The following SGPP1 variants were observed in gnomAD, a reference collection of about 807,000 sequenced individuals.
SGPP1 encodes the protein hSPP1.
SGPP1 carries 21 observed loss-of-function variants against 33.0 expected under a neutral mutation model. That is an observed-to-expected ratio of 0.64 (90% CI 0.45 to 0.92). The LOEUF is 0.92. Ranked by LOEUF, SGPP1 falls within the 40% of genes least tolerant of loss-of-function variation. The pLI is 0.00. For missense variants in SGPP1, 543 were observed against 589.4 expected (o/e 0.92, Z 0.81); for synonymous variants, 239 against 241.2 (o/e 0.99, Z 0.08).
intron 1 of SGPP1, among the ~76,000 whole-genome samples, chr14:63,722,257 G>A (rs1001153293): frequency 6.6e-6 from 1 of 151,790 alleles, no homozygotes; most frequent in African/African-American, 2.4e-5. Context: ...GGGCGCAGTG[G>A]CTCATGCCTG....
chr14:63,727,325 G>T lies in SGPP1; in HGVS notation c.620C>A (p.Thr207Asn), dbSNP rs1885904748. The T allele has an allele frequency of 6.2e-7, 1 of 1,614,006 alleles. No homozygotes were observed. Among genetic ancestry groups the T allele is most frequent in the South Asian group, 1.1e-5 (1 of 91,080 alleles). ...GATGGCGGTGCCGGACATGGCATGG[G>T]TGGAGGGCATGCTGTACTCAGAGTT... Reference protein sequence around the residue: ...FYNSEYSMPSTHAMSGTAIPI... With the variant: ...FYNSEYSMPSNHAMSGTAIPI... The change falls in exon 1 of 3, where the codon ACC becomes AAC. Residue 207 changes from threonine (T) to asparagine (N), a missense_variant. Thr to Asn is a moderately conservative substitution (Grantham distance 65, BLOSUM62 0). Transcript: ENST00000247225.
chr14:63,688,822 C>T (rs959903778), intron 2 of SGPP1, among the ~76,000 whole-genome samples: 2 of 151,670 alleles, frequency 1.3e-5, no homozygotes, highest in African/African-American at 4.8e-5. Flanking sequence ...CCCAGGTTCA[C>T]GCCATTCTCC....
rs1274298165 is a variant in SGPP1, at chr14:63,727,794, C to T, written c.151G>A (p.Gly51Arg). Residue 51 changes from glycine (G) to arginine (R), a missense_variant, in exon 1 of 3, where the codon GGA becomes AGA. Gly to Arg is a moderately radical substitution (Grantham distance 125, BLOSUM62 -2). Transcript: ENST00000247225. Reference sequence around the variant, plus strand: ...TGCCGCCCTCGCAGTCGAGGGTCTCCGGCGAGAGGCGCCTCCGCTTTCTCA... The same window carrying T: ...TGCCGCCCTCGCAGTCGAGGGTCTCTGGCGAGAGGCGCCTCCGCTTTCTCA... ...EDEKAEAPLA[G>R]DPRLRGRQPG... 7.3e-6 allele frequency: 11 copies of T among 1,505,276 alleles called. 1 individual carries two copies. In the South Asian group the frequency reaches 1.1e-4, roughly 15 times the overall value. The allele number at this position is 1,505,276 out of a possible 1,614,324, so 93.2% of individuals were successfully genotyped here.
intron 1 of SGPP1, among the ~76,000 whole-genome samples, chr14:63,716,267 G>C (rs1412382049): frequency 6.6e-6 from 1 of 152,178 alleles, no homozygotes; most frequent in Non-Finnish European, 1.5e-5. Context: ...ACGGGGGTGA[G>C]AGGATAGTAT....
chr14:63,684,488 A>C lies in SGPP1; in HGVS notation c.*1617T>G, dbSNP rs1025324009. On this transcript the variant is annotated 3_prime_UTR_variant, in exon 3 of 3. Transcript: ENST00000247225. ...TCCTTTTAACTAATAAGTAAAGGGT[A>C]AATTTAGTTGCTTTACTTAAAATTA... 6.6e-6 allele frequency: 1 copy of C among 152,370 alleles called. No individual in the cohort carries two copies. The highest frequency in any genetic ancestry group is 2.4e-5 in the African/African-American group (1 of 41,472). 9.4% of individuals were successfully genotyped at this position (152,370 alleles called of 1,614,324 possible). A position where few individuals can be genotyped will look rare whatever the true frequency, so the allele number is the denominator to read the frequency against.
At chr14:63,698,694 T>C (rs1448243634) in intron 1 of SGPP1, 36 bp from the exon 2 acceptor site, 1 of 1,178,218 alleles carries the variant, frequency 8.5e-7, no homozygotes, top group East Asian at 2.4e-5. Context: ...GTTAAACAAA[T>C]TTAAGTTAGA....
intron 1 of SGPP1, among the ~76,000 whole-genome samples, chr14:63,716,523 A>G (rs567701195): frequency 6.6e-6 from 1 of 152,024 alleles, no homozygotes; most frequent in African/African-American, 2.4e-5. Flanking sequence ...TTAAAAATAT[A>G]AAATTAAAAA....
intron 2 of SGPP1, among the ~76,000 whole-genome samples, chr14:63,689,886 TAAC>T (rs1309024503): frequency 6.6e-6 from 1 of 152,166 alleles, no homozygotes; most frequent in Admixed American, 6.5e-5. Flanking sequence ...TTTTTACACT[TAAC>T]ATTAAGATTC....
chr14:63,687,604 T>C (rs1312408261), intron 2 of SGPP1, among the ~76,000 whole-genome samples: 2 of 152,178 alleles, frequency 1.3e-5, no homozygotes, highest in African/African-American at 4.8e-5. Context: ...GATCTGATTC[T>C]AAAGGGAGCC....
chr14:63,689,790 C>CT (rs1460243756), intron 2 of SGPP1, among the ~76,000 whole-genome samples: 1 of 146,790 alleles, frequency 6.8e-6, no homozygotes, highest in Non-Finnish European at 1.5e-5. Flanking sequence ...GAGCAAGACT[C>CT]TGTCTCAAAA....
intron 1 of SGPP1, among the ~76,000 whole-genome samples, chr14:63,709,204 G>A (rs540387721): frequency 7.9e-5 from 12 of 151,952 alleles, no homozygotes; most frequent in East Asian, 1.9e-4. Flanking sequence ...GTGAAACTCC[G>A]TCTCTACTAG....
intron 1 of SGPP1, among the ~76,000 whole-genome samples, chr14:63,716,743 G>C (rs1029425449): frequency 5.9e-5 from 9 of 151,576 alleles, no homozygotes; most frequent in Non-Finnish European, 1.0e-4. Context: ...ACCCAGGCTG[G>C]AGTGCAGTGG....
intron 1 of SGPP1, among the ~76,000 whole-genome samples, chr14:63,712,337 C>T (rs1194858537): frequency 6.6e-6 from 1 of 151,412 alleles, no homozygotes; most frequent in African/African-American, 2.4e-5. Flanking sequence ...GTACTACATT[C>T]ATTTTATGAT....
At chr14:63,711,405 G>T (rs564403713) in intron 1 of SGPP1, among the ~76,000 whole-genome samples, 16 of 152,220 alleles carry the variant, frequency 1.1e-4, no homozygotes, top group African/African-American at 3.9e-4. Flanking sequence ...GAACCAATAG[G>T]ATATGTATAT....
At chr14:63,724,677 G>A (rs907262143) in intron 1 of SGPP1, among the ~76,000 whole-genome samples, 3 of 148,482 alleles carry the variant, frequency 2.0e-5, no homozygotes, top group Admixed American at 1.3e-4. Flanking sequence ...GGTGGCTCAC[G>A]CCTGTAATGC....
Position 63,727,308 on chromosome 14 carries a change from T to C in SGPP1, c.637A>G (p.Thr213Ala). The C allele has an allele frequency of 6.2e-7, 1 of 1,613,962 alleles. No individual in the cohort carries two copies. The highest frequency in any genetic ancestry group is 8.5e-7 in the Non-Finnish European group (1 of 1,179,916). The change falls in exon 1 of 3, where the codon ACC becomes GCC. Residue 213 changes from threonine to alanine, a missense_variant. Transcript: ENST00000247225. ...SMPSTHAMSG[T>A]AIPISMVLLT... ...AGGACCATAGAAATGGGGATGGCGG[T>C]GCCGGACATGGCATGGGTGGAGGGC... is the stretch of plus-strand genomic sequence containing the variant.
At chr14:63,689,430 G>C (rs536815741) in intron 2 of SGPP1, among the ~76,000 whole-genome samples, 1 of 152,186 alleles carries the variant, frequency 6.6e-6, no homozygotes, top group Non-Finnish European at 1.5e-5. Context: ...AGGATTACAG[G>C]TATCAGCCAC....
At position 63,686,540 on chromosome 14, in the gene SGPP1, C is replaced by T. The variant is rs1884981674; in HGVS notation, c.891G>A (p.Gly297=). 2.5e-6 allele frequency: 4 copies of T among 1,613,946 alleles called. No homozygotes were observed. The highest frequency in any genetic ancestry group is 3.4e-6 in the Non-Finnish European group (4 of 1,179,990). ...AAAAGATCCCCAAAGCTAAATGAAG[C>T]CCGATGATGATGAATGGAGCATATT... The part of the protein sequence containing the change: ...THKYAPFIII[G]LHLALGIFSF... Residue 297 remains glycine, a synonymous_variant, in exon 3 of 3, where the codon GGG becomes GGA. Coordinates refer to ENST00000247225, the MANE Select transcript of SGPP1 (RefSeq NM_030791.4).
intron 1 of SGPP1, among the ~76,000 whole-genome samples, chr14:63,714,326 T>C (rs1048740771): frequency 1.3e-5 from 2 of 152,248 alleles, no homozygotes; most frequent in Admixed American, 1.3e-4. Flanking sequence ...TCTATCATGG[T>C]ATTTCAGATG....
Sources: allele counts gnomAD v4.1 joint callset (sites outside exome capture counted in the v4.1 genomes callset), GRCh38; gene constraint gnomAD v4.1.1; transcripts MANE v1.5; gene names NCBI Gene and HGNC (gene_info 2026-07-23, HGNC 2026-07-21).